Variants in AFF3 observed in about 807,000 individuals in gnomAD.
The protein encoded by AFF3 is AF4/FMR2 family member 3.
Under a neutral mutation model 129.7 loss-of-function variants are expected in AFF3, and 32 were observed. The observed-to-expected ratio is 0.25, with a 90% confidence interval of 0.19 to 0.33. The LOEUF (loss-of-function observed/expected upper bound fraction) is 0.33, where lower values mean the gene tolerates loss of function less well. Ranked by LOEUF, AFF3 falls within the 10% of genes least tolerant of loss-of-function variation. The probability of loss-of-function intolerance (pLI) is 1.00; values close to 1 mark genes in which losing one functional copy is unlikely to be tolerated. For synonymous variants in AFF3, 644 were observed against 635.4 expected (o/e 1.01, Z -0.20); for missense variants, 1,373 against 1,592.0 (o/e 0.86, Z 2.34).
rs1483081764 is a variant in AFF3 at position 99,863,401 on chromosome 2, TTCTATTTGTC to T, written c.874-25887_874-25878del. ...CACACAAATATCAACAGTTAGACTATTCTATTTGTCTCCTCTTTAAGAAAAAAAAAAGTTT... is the reference window on the plus strand; with the variant it reads ...CACACAAATATCAACAGTTAGACTATTCCTCTTTAAGAAAAAAAAAAGTTT... On this transcript the variant is annotated intron_variant, in intron 7 of 24. Transcript: ENST00000672756. Among the ~76,000 whole-genome samples, 6 of 152,328 alleles carry T rather than the reference TTCTATTTGTC, an allele frequency of 3.9e-5. No individual in the cohort carries two copies. The East Asian group carries it at 1.2e-3, about 29-fold the overall frequency.
chr2:100,065,962 C>A (rs1162158924), intron 4 of AFF3, among the ~76,000 whole-genome samples: 1 of 152,174 alleles, frequency 6.6e-6, no homozygotes, highest in Non-Finnish European at 1.5e-5. Flanking sequence ...ATTATTACAG[C>A]TCACACTTAT....
At chr2:100,110,891 G>T (rs1180274974) in intron 2 of AFF3, among the ~76,000 whole-genome samples, 2 of 152,220 alleles carry the variant, frequency 1.3e-5, no homozygotes, top group Admixed American at 1.3e-4. Flanking sequence ...CTGGGCATAT[G>T]ACTTAGTTCT....
At chr2:99,989,238 A>C (rs1184481906) in intron 7 of AFF3, among the ~76,000 whole-genome samples, 1 of 152,240 alleles carries the variant, frequency 6.6e-6, no homozygotes, top group East Asian at 1.9e-4. Context: ...ATGGCTCCTC[A>C]GCTTACAAGG....
intron 7 of AFF3, among the ~76,000 whole-genome samples, chr2:99,978,996 G>A (rs1013322860): frequency 4.6e-5 from 6 of 130,964 alleles, no homozygotes; most frequent in Non-Finnish European, 1.1e-4. Flanking sequence ...GCAGGTGGTG[G>A]AAGGACTGAC....
At chr2:100,057,931 C>T (rs1686941556) in intron 4 of AFF3, among the ~76,000 whole-genome samples, 1 of 152,142 alleles carries the variant, frequency 6.6e-6, no homozygotes, top group Admixed American at 6.5e-5. Context: ...TGGGAACACA[C>T]TCTGAAAACT....
At chr2:99,809,031 A>G (rs1452060060) in intron 8 of AFF3, among the ~76,000 whole-genome samples, 1 of 152,264 alleles carries the variant, frequency 6.6e-6, no homozygotes, top group Non-Finnish European at 1.5e-5. Context: ...AGCAATGGAT[A>G]TGAATCAAAG....
intron 7 of AFF3, among the ~76,000 whole-genome samples, chr2:99,909,689 T>A (rs773328437): frequency 6.6e-6 from 1 of 152,088 alleles, no homozygotes; most frequent in African/African-American, 2.4e-5. Flanking sequence ...GTATAGGCCA[T>A]GTCAGCTGCA....
chr2:100,070,443 A>G (rs1328845895), intron 4 of AFF3, among the ~76,000 whole-genome samples: 1 of 152,190 alleles, frequency 6.6e-6, no homozygotes, highest in African/African-American at 2.4e-5. Flanking sequence ...CTCCAGGTCA[A>G]CTTTCCTGTT....
chr2:99,993,043 T>C (rs541425517), intron 7 of AFF3, among the ~76,000 whole-genome samples: 1 of 152,224 alleles, frequency 6.6e-6, no homozygotes, highest in African/African-American at 2.4e-5. Flanking sequence ...ATGGACCATC[T>C]TGGATCATGT....
At position 99,768,882 on chromosome 2, in the gene AFF3, A is replaced by G. The variant is rs551221858; in HGVS notation, c.922-16581T>C. ...GCGGCCAGATGTACTGGAGCACCAT[A>G]GTATGTTACTTGTTTCTTTTCTCTT... On this transcript the variant is annotated intron_variant, in intron 8 of 24. Transcript: ENST00000672756. Among the ~76,000 whole-genome samples the G allele has an allele frequency of 2.0e-5, 3 of 152,302 alleles. 1 individual carries two copies. Among genetic ancestry groups the G allele is most frequent in the Admixed American group, 2.0e-4 (3 of 15,290 alleles).
At chr2:100,141,573 T>C (rs1559142740) in intron 1 of AFF3, among the ~76,000 whole-genome samples, 1 of 152,228 alleles carries the variant, frequency 6.6e-6, no homozygotes, top group Non-Finnish European at 1.5e-5. Flanking sequence ...ACTTTGTTAT[T>C]GTAAACACTT....
At chr2:99,669,889 G>A (rs1687001034) in intron 12 of AFF3, among the ~76,000 whole-genome samples, 1 of 152,168 alleles carries the variant, frequency 6.6e-6, no homozygotes, top group South Asian at 2.1e-4. Flanking sequence ...GGCGGAGGTT[G>A]CAGTGAGCCA....
chr2:100,124,444 G>T (rs987754619), intron 2 of AFF3, among the ~76,000 whole-genome samples: 53 of 152,194 alleles, frequency 3.5e-4, no homozygotes, highest in African/African-American at 1.3e-3. Context: ...GCAGAATAAT[G>T]GTATTTTCAG....
intron 7 of AFF3, among the ~76,000 whole-genome samples, chr2:99,857,184 T>G (rs1690592180): frequency 6.6e-6 from 1 of 152,192 alleles, no homozygotes; most frequent in Admixed American, 6.5e-5. Context: ...TCACTCTAAA[T>G]AAATAAATAA....
chr2:99,968,773 C>T (rs1163715717), intron 7 of AFF3, among the ~76,000 whole-genome samples: 1 of 152,212 alleles, frequency 6.6e-6, no homozygotes, highest in African/African-American at 2.4e-5. Flanking sequence ...GCCACAACAG[C>T]TTCCGGCTAG....
At chr2:100,137,741 C>A (rs1057455176) in intron 1 of AFF3, among the ~76,000 whole-genome samples, 1 of 152,178 alleles carries the variant, frequency 6.6e-6, no homozygotes, top group African/African-American at 2.4e-5. Flanking sequence ...TTTGAGCCTC[C>A]GTTCTCCATA....
At chr2:99,715,231 T>C (rs996113310) in intron 11 of AFF3, among the ~76,000 whole-genome samples, 7 of 152,242 alleles carry the variant, frequency 4.6e-5, no homozygotes, top group Admixed American at 3.3e-4. Context: ...TGAGATCTTT[T>C]AAAACTTTCT....
rs778018452 is a variant in AFF3 at position 99,593,554 on chromosome 2, C to A, written c.2107G>T (p.Gly703Trp). ...GCCTCCTTCAGCCTCTGATCATTCC[C>A]GGAGGAGGCAGAGGCAGCCACGGTC... is the stretch of plus-strand genomic sequence containing the variant. The part of the protein sequence containing the change: ...AQTVAASASS[G>W]NDQRLKEAAA... The change falls in exon 15 of 25, where the codon GGG becomes TGG. Residue 703 changes from glycine to tryptophan, a missense_variant. Around this residue, in one of 9 missense-constraint regions of AFF3, gnomAD observed 466 missense variants for 505.0 expected, o/e 0.92. Coordinates refer to ENST00000672756, the MANE Select transcript of AFF3 (RefSeq NM_001386135.1). 2 of 1,613,300 alleles carry A rather than the reference C, an allele frequency of 1.2e-6. No individual in the cohort carries two copies. Among genetic ancestry groups the A allele is most frequent in the South Asian group, 2.2e-5 (2 of 91,076 alleles).
intron 4 of AFF3, among the ~76,000 whole-genome samples, chr2:100,024,721 G>A (rs1390454321): frequency 6.6e-6 from 1 of 152,056 alleles, no homozygotes; most frequent in Non-Finnish European, 1.5e-5. Flanking sequence ...TACAATAGAA[G>A]ACTGTAGACA....
Sources: allele counts gnomAD v4.1 joint callset (sites outside exome capture counted in the v4.1 genomes callset), GRCh38; gene constraint gnomAD v4.1.1; regional missense constraint gnomAD v4.1.1; transcripts MANE v1.5; gene names NCBI Gene and HGNC (gene_info 2026-07-23, HGNC 2026-07-21).